CDH7: variants seen among roughly 807,000 people sequenced by gnomAD.
The protein encoded by CDH7 is cadherin-7.
In CDH7, 25 loss-of-function variants were observed where a neutral mutation model predicts 71.8. That is an observed-to-expected ratio of 0.35 (90% CI 0.25 to 0.49). The LOEUF (loss-of-function observed/expected upper bound fraction) is 0.49, where lower values mean the gene tolerates loss of function less well. Among genes scored for constraint, CDH7 ranks in the 20% least tolerant of loss-of-function variants. CDH7 has a pLI of 0.99. For synonymous variants in CDH7, 381 were observed against 363.8 expected (o/e 1.05, Z -0.54); for missense variants, 862 against 974.6 (o/e 0.88, Z 1.54).
intron 1 of CDH7, among the ~76,000 whole-genome samples, chr18:65,761,062 C>T (rs530948747): frequency 6.6e-6 from 1 of 152,072 alleles, no homozygotes; most frequent in Admixed American, 6.6e-5. Flanking sequence ...TATTTTTGAT[C>T]CTTGGATAGG....
chr18:65,805,712 G>C (rs1295799678), intron 2 of CDH7, among the ~76,000 whole-genome samples: 1 of 152,166 alleles, frequency 6.6e-6, no homozygotes, highest in Non-Finnish European at 1.5e-5. Context: ...CCCAGGGGCC[G>C]ATCCATCATG....
intron 2 of CDH7, among the ~76,000 whole-genome samples, chr18:65,784,343 T>C (rs1044179144): frequency 6.6e-6 from 1 of 152,026 alleles, no homozygotes; most frequent in African/African-American, 2.4e-5. Flanking sequence ...AGTGGACACC[T>C]GGGGAAAGTG....
chr18:65,805,269 G>T (rs2143894245), intron 2 of CDH7, among the ~76,000 whole-genome samples: 1 of 152,288 alleles, frequency 6.6e-6, no homozygotes, highest in African/African-American at 2.4e-5. Flanking sequence ...TCAGGAAAAG[G>T]GAATTTGCAT....
rs965240533 is a variant in CDH7 at position 65,862,897 on chromosome 18, C to G, written c.1844C>G (p.Ala615Gly). The G allele has an allele frequency of 1.9e-6, 3 of 1,614,056 alleles. No homozygotes were observed. In the African/African-American group the frequency reaches 4.0e-5, roughly 22 times the overall value. ...ACAGGAGCCCTGATAGCCATACTCG[C>G]CTGTGTCTTGACATTATTGGGTAGG... The part of the protein sequence containing the change: ...LSTGALIAIL[A>G]CVLTLLVLIL... The change falls in exon 11 of 12, where the codon GCC (alanine) becomes GGC (glycine). Residue 615 changes from alanine to glycine, a missense_variant. Coordinates refer to ENST00000397968, the MANE Select transcript of CDH7 (RefSeq NM_004361.5).
In CDH7 at chr18:65,880,689, C is replaced by T; in HGVS notation, c.2153C>T (p.Ala718Val). Reference sequence around the variant, plus strand: ...TTTATTTGGGAAAGATTAAAAGAAGCCGATGTTGATCCTGGTGCTCCTCCT... The same window carrying T: ...TTTATTTGGGAAAGATTAAAAGAAGTCGATGTTGATCCTGGTGCTCCTCCT... ...REFIWERLKE[A>V]DVDPGAPPYD... The change falls in exon 12 of 12, where the codon GCC becomes GTC. Residue 718 changes from alanine to valine, a missense_variant. Physicochemically the swap from Ala to Val is moderately conservative, Grantham distance 64. Coordinates refer to ENST00000397968, the MANE Select transcript of CDH7 (RefSeq NM_004361.5). 2 of 1,613,950 alleles carry T rather than the reference C, an allele frequency of 1.2e-6. No homozygotes were observed. Among genetic ancestry groups the T allele is most frequent in the Non-Finnish European group, 1.7e-6 (2 of 1,179,954 alleles).
chr18:65,850,298 AC>A (rs1913102776), intron 7 of CDH7, among the ~76,000 whole-genome samples: 2 of 151,214 alleles, frequency 1.3e-5, no homozygotes, highest in South Asian at 4.1e-4. Flanking sequence ...AGGGAATATT[AC>A]TTTTTATCAT....
At chr18:65,872,935 T>A (rs1469420873) in intron 11 of CDH7, among the ~76,000 whole-genome samples, 1 of 150,996 alleles carries the variant, frequency 6.6e-6, no homozygotes, top group Non-Finnish European at 1.5e-5. Context: ...TATAAAAATT[T>A]AAAAAAATTT....
intron 7 of CDH7, among the ~76,000 whole-genome samples, chr18:65,856,847 G>A (rs1448664464): frequency 2.6e-5 from 4 of 152,042 alleles, no homozygotes; most frequent in East Asian, 1.9e-4. Context: ...ACAAATAATA[G>A]CATGGACTAA....
At chr18:65,850,837 GTCC>G (rs1277775089) in intron 7 of CDH7, among the ~76,000 whole-genome samples, 1 of 147,552 alleles carries the variant, frequency 6.8e-6, no homozygotes, top group Non-Finnish European at 1.5e-5. Flanking sequence ...TTTGAGACAG[GTCC>G]TCAGTCTATC....
chr18:65,818,003 C>T (rs952515789), intron 4 of CDH7, among the ~76,000 whole-genome samples: 1 of 152,096 alleles, frequency 6.6e-6, no homozygotes, highest in African/African-American at 2.4e-5. Flanking sequence ...TCTACATTTG[C>T]AGGAAAGAGT....
chr18:65,825,921 C>G (rs975724644), intron 6 of CDH7, among the ~76,000 whole-genome samples: 2 of 151,592 alleles, frequency 1.3e-5, no homozygotes, highest in Non-Finnish European at 3.0e-5. Flanking sequence ...CAATGCTGCT[C>G]AAAGATTTCA....
At chr18:65,858,038 T>G in intron 8 of CDH7, 86 bp downstream of exon 8, 1 of 1,302,916 alleles carries the variant, frequency 7.7e-7, no homozygotes, top group African/African-American at 1.5e-5. Context: ...TCAAGTTAAT[T>G]AAAGTAGTTC....
At chr18:65,793,390 C>T (rs571592789) in intron 2 of CDH7, among the ~76,000 whole-genome samples, 66 of 148,280 alleles carry the variant, frequency 4.5e-4, no homozygotes, top group African/African-American at 1.6e-3. Flanking sequence ...CACTGTACTC[C>T]AGCCAGGGTA....
intron 6 of CDH7, among the ~76,000 whole-genome samples, chr18:65,835,676 C>T (rs1470271938): frequency 6.6e-6 from 1 of 152,118 alleles, no homozygotes; most frequent in African/African-American, 2.4e-5. Context: ...AGGGAATTGG[C>T]CTGAGCTGTA....
At chr18:65,865,674 G>A (rs540054518) in intron 11 of CDH7, 1 of 152,166 alleles carries the variant, frequency 6.6e-6, no homozygotes, top group South Asian at 2.1e-4. Flanking sequence ...GTTTTTAAAA[G>A]CAGATAATCA....
chr18:65,781,780 T>TTTCTTTCTTTCTTTCTTTCTTTCTA (rs1568181302), intron 2 of CDH7, among the ~76,000 whole-genome samples: 1 of 59,124 alleles, frequency 1.7e-5, no homozygotes. Context: ...CCTTCCTTCC[T>TTTCTTTCTTTCTTTCTTTCTTTCTA]TCCTTCCTTC....
rs1599030249 is a variant in CDH7 at position 65,822,115 on chromosome 18, A to G, written c.660A>G (p.Arg220=). The change falls in exon 5 of 12, where the codon AGA becomes AGG. Residue 220 remains arginine (R), a synonymous_variant. Coordinates refer to ENST00000397968, the MANE Select transcript of CDH7 (RefSeq NM_004361.5). ...VIKTALPNMD[R]EAKDQYLLVI... is the part of the protein sequence containing the mutation. The stretch of plus-strand genomic sequence containing the variant: ...AGACTGCCCTTCCAAACATGGATAG[A>G]GAGGCTAAAGACCAGTATTTGCTTG... 1 of 1,613,220 alleles carries G rather than the reference A, an allele frequency of 6.2e-7. No individual in the cohort carries two copies.
intron 3 of CDH7, among the ~76,000 whole-genome samples, chr18:65,812,265 A>G (rs961180221): frequency 2.0e-5 from 3 of 151,870 alleles, no homozygotes; most frequent in African/African-American, 2.4e-5. Flanking sequence ...GGCCCATATC[A>G]CAGTGCTTCA....
At chr18:65,851,921 A>G (rs991004263) in intron 7 of CDH7, among the ~76,000 whole-genome samples, 5 of 152,170 alleles carry the variant, frequency 3.3e-5, no homozygotes, top group Admixed American at 6.5e-5. Context: ...CACACCATGC[A>G]GGTTTTCTTA....
Sources: allele counts gnomAD v4.1 joint callset (sites outside exome capture counted in the v4.1 genomes callset), GRCh38; gene constraint gnomAD v4.1.1; transcripts MANE v1.5; gene names NCBI Gene and HGNC (gene_info 2026-07-23, HGNC 2026-07-21).